Variants in PTK2 observed in about 807,000 individuals in gnomAD.
PTK2 encodes the protein protein tyrosine kinase 2.
PTK2 carries 45 observed loss-of-function variants against 150.1 expected under a neutral mutation model. That is an observed-to-expected ratio of 0.30 (90% CI 0.24 to 0.38). The LOEUF (loss-of-function observed/expected upper bound fraction) is 0.38, where lower values mean the gene tolerates loss of function less well. PTK2 is among the 10% of genes least tolerant of loss of function. PTK2 has a pLI of 1.00. For missense variants in PTK2, 919 were observed against 1,307.3 expected (o/e 0.70, Z 4.58); for synonymous variants, 432 against 449.2 (o/e 0.96, Z 0.48).
At chr8:140,669,530 T>C (rs2094479657) in intron 29 of PTK2, 197 bp downstream of exon 33, 1 of 541,950 alleles carries the variant, frequency 1.8e-6, no homozygotes, top group East Asian at 3.0e-5. Context: ...AATAATTCAT[T>C]TACTGCAAAG....
At chr8:140,859,751 C>T (rs2100134941) in intron 5 of PTK2, among the ~76,000 whole-genome samples, 3 of 137,446 alleles carry the variant, frequency 2.2e-5, no homozygotes. Context: ...TGTGCCCCCC[C>T]TCCCGCCCAC....
chr8:140,768,969 A>G (rs1310137154), intron 14 of PTK2, among the ~76,000 whole-genome samples: 1 of 152,200 alleles, frequency 6.6e-6, no homozygotes, highest in Non-Finnish European at 1.5e-5. Flanking sequence ...TTTAGTTTAT[A>G]AAATCTTACT....
At chr8:140,868,257 A>C (rs2100140501) in intron 4 of PTK2, among the ~76,000 whole-genome samples, 1 of 152,248 alleles carries the variant, frequency 6.6e-6, no homozygotes, top group Non-Finnish European at 1.5e-5. Context: ...GTGTTTAGTG[A>C]AGTAAACAAA....
intron 31 of PTK2, among the ~76,000 whole-genome samples, chr8:140,663,317 C>G (rs13275969): frequency 0.41 from 62,033 of 151,544 alleles, 13,507 homozygotes; most frequent in Non-Finnish European, 0.49. Context: ...GGAGTTCTCT[C>G]TATTAATCTT....
intron 1 of PTK2, among the ~76,000 whole-genome samples, chr8:140,950,873 G>A (rs1467916810): frequency 6.6e-6 from 1 of 152,074 alleles, no homozygotes; most frequent in Non-Finnish European, 1.5e-5. Flanking sequence ...ATAAGAGACA[G>A]GCTCCATAGA....
chr8:140,919,879 G>T (rs921445378), intron 2 of PTK2, among the ~76,000 whole-genome samples: 6 of 152,062 alleles, frequency 3.9e-5, no homozygotes, highest in African/African-American at 1.4e-4. Context: ...AGAATCAATA[G>T]ATGTCAGCAA....
chr8:140,882,956 T>C (rs2100150037), intron 3 of PTK2, among the ~76,000 whole-genome samples: 1 of 152,232 alleles, frequency 6.6e-6, no homozygotes, highest in Non-Finnish European at 1.5e-5. Context: ...TGATGATCAA[T>C]TTAATGACCA....
chr8:140,721,530 A>G (rs2100042953), intron 22 of PTK2: 1 of 152,142 alleles, frequency 6.6e-6, no homozygotes, highest in Non-Finnish European at 1.5e-5. Flanking sequence ...CATACCTCAA[A>G]AGGCTGCTAA....
intron 1 of PTK2, among the ~76,000 whole-genome samples, chr8:140,996,281 G>C (rs1457747698): frequency 6.6e-6 from 1 of 152,220 alleles, no homozygotes. Context: ...AGCTAGCAGA[G>C]GTTGGTTCGT....
chr8:140,857,259 C>T (rs2154605257), intron 5 of PTK2, among the ~76,000 whole-genome samples: 1 of 152,300 alleles, frequency 6.6e-6, no homozygotes, highest in South Asian at 2.1e-4. Context: ...ACTTAACTTT[C>T]TCTGGCTTCT....
At chr8:140,816,038 G>T (rs979868998) in intron 10 of PTK2, among the ~76,000 whole-genome samples, 9 of 152,094 alleles carry the variant, frequency 5.9e-5, no homozygotes, top group Admixed American at 5.9e-4. Context: ...AAAATTGTAT[G>T]TGGGGAAAGG....
chr8:140,983,575 T>C (rs745695461), intron 1 of PTK2, among the ~76,000 whole-genome samples: 5 of 152,062 alleles, frequency 3.3e-5, no homozygotes, highest in Non-Finnish European at 7.4e-5. Flanking sequence ...CTTGTCCATG[T>C]GCCTGCCAGT....
At chr8:140,800,127 T>G (rs2100094104) in intron 12 of PTK2, among the ~76,000 whole-genome samples, 1 of 152,182 alleles carries the variant, frequency 6.6e-6, no homozygotes, top group Non-Finnish European at 1.5e-5. Flanking sequence ...ATTCCTTTTT[T>G]TAAACCCAGA....
intron 1 of PTK2, among the ~76,000 whole-genome samples, chr8:140,951,369 G>A (rs574626288): frequency 6.6e-6 from 1 of 152,252 alleles, no homozygotes; most frequent in Admixed American, 6.5e-5. Context: ...CTTACGAAGG[G>A]GAACTCTGTG....
At chr8:140,668,470 C>T (rs373599865) in intron 29 of PTK2, 46 bp from the exon 34 acceptor site, 69 of 1,560,038 alleles carry the variant, frequency 4.4e-5, no homozygotes, top group African/African-American at 2.2e-4. Flanking sequence ...CAGCAGATGG[C>T]GTGAGATCAC....
In PTK2 at chr8:140,756,554, G is replaced by A. The variant is rs183998909; in HGVS notation, c.1333-4238C>T. Among the ~76,000 whole-genome samples the A allele has an allele frequency of 1.6e-3, 249 of 151,382 alleles. 1 individual carries two copies. The South Asian group carries it at 0.026, about 16-fold the overall frequency. On this transcript the variant is annotated intron_variant, in intron 16 of 31. Coordinates refer to ENST00000522684, the Ensembl canonical transcript of PTK2. ...CTCTACTAAAAATACAAAATTAGCC[G>A]GGTGTGGTGGCACCTGCCTGTAATC...
At chr8:140,810,036 G>C (rs760613217) in intron 10 of PTK2, among the ~76,000 whole-genome samples, 2 of 152,190 alleles carry the variant, frequency 1.3e-5, no homozygotes, top group Admixed American at 6.5e-5. Context: ...TGGGAACCCT[G>C]CAAGAGGCTA....
intron 2 of PTK2, among the ~76,000 whole-genome samples, chr8:140,901,103 A>C (rs2100158270): frequency 6.6e-6 from 1 of 152,184 alleles, no homozygotes; most frequent in African/African-American, 2.4e-5. Context: ...AAATCCATAC[A>C]TTTACAACCA....
chr8:140,712,452 T>C (rs2100037358), intron 23 of PTK2, among the ~76,000 whole-genome samples: 1 of 152,202 alleles, frequency 6.6e-6, no homozygotes, highest in South Asian at 2.1e-4. Flanking sequence ...TGGTATTGTT[T>C]TTTGATTTGA....
Sources: allele counts gnomAD v4.1 joint callset (sites outside exome capture counted in the v4.1 genomes callset), GRCh38; gene constraint gnomAD v4.1.1; transcripts MANE v1.5; gene names NCBI Gene and HGNC (gene_info 2026-07-23, HGNC 2026-07-21).